KRT6C: variants seen among roughly 807,000 people sequenced by gnomAD.
KRT6C encodes keratin, type II cytoskeletal 6C.
Under a neutral mutation model 49.4 loss-of-function variants are expected in KRT6C, and 46 were observed. The ratio of observed to expected loss-of-function variants is 0.93; its 90% CI spans 0.74 to 1.19. KRT6C has a LOEUF of 1.19. Among genes scored for constraint, KRT6C ranks in the 50% most tolerant of loss-of-function variants. KRT6C has a pLI of 0.00. For missense variants in KRT6C, 552 were observed against 737.5 expected (o/e 0.75, Z 2.91); for synonymous variants, 236 against 297.1 (o/e 0.79, Z 2.12).
intron 5 of KRT6C, among the ~76,000 whole-genome samples, chr12:52,470,890 G>T (rs1235376310): frequency 6.6e-6 from 1 of 152,170 alleles, no homozygotes; most frequent in Non-Finnish European, 1.5e-5. Flanking sequence ...AGCAATCAGG[G>T]TGAAGATAAA....
At chr12:52,469,539 G>C (rs1010486695) in intron 7 of KRT6C, 94 bp from the exon 8 acceptor site, 114 of 1,612,724 alleles carry the variant, frequency 7.1e-5, no homozygotes, top group Admixed American at 1.2e-4. Flanking sequence ...GAGTCCATGG[G>C]AAACTGCTCT....
chr12:52,471,655 C>T lies in KRT6C; in HGVS notation c.816+17G>A, dbSNP rs17099546. On this transcript the variant is annotated intron_variant, in intron 3 of 8. Coordinates refer to ENST00000252250, the MANE Select transcript of KRT6C (RefSeq NM_173086.5). Reference sequence around the variant, plus strand: ...CTCCTTCTAAATGAATTTGAACCCCCGGCTTCATCTGCTCACCTTCTTCAG... The same window carrying T: ...CTCCTTCTAAATGAATTTGAACCCCTGGCTTCATCTGCTCACCTTCTTCAG... The T allele has an allele frequency of 0.035, 55,448 of 1,568,286 alleles. 2,187 individuals are homozygous for T. Among genetic ancestry groups the T allele is most frequent in the African/African-American group, 0.15 (10,850 of 71,182 alleles).
chr12:52,470,053 A>C, intron 6 of KRT6C, 163 bp from the exon 7 acceptor site: 1 of 866,192 alleles, frequency 1.2e-6, no homozygotes, highest in East Asian at 2.6e-5. Flanking sequence ...CTAGTCTGGG[A>C]GTCAAGTGAC....
chr12:52,469,752 AC>A lies in KRT6C; in HGVS notation c.1341del (p.Glu447AspfsTer5). 1 of 1,613,632 alleles carries A rather than the reference AC, an allele frequency of 6.2e-7. No individual in the cohort carries two copies. The highest frequency in any genetic ancestry group is 8.5e-7 in the Non-Finnish European group (1 of 1,179,878). On this transcript the variant is annotated frameshift_variant, in exon 7 of 9. Transcript: ENST00000252250. LOFTEE classifies it high-confidence loss of function. ...AKQDLARLLK[E>X]YQELMNVKLA... is the part of the protein sequence containing the mutation. ...AGCTTGACATTCATCAGCTCCTGGT[AC>A]TCCTTCAGCAGCCGGGCCAGGTCCT...
rs554932033 is a variant in KRT6C, at chr12:52,469,717, A to G, written c.1377T>C (p.Asp459=). The G allele has an allele frequency of 3.7e-5, 60 of 1,614,132 alleles. No individual in the cohort carries two copies. Among genetic ancestry groups the G allele is most frequent in the East Asian group, 3.3e-4 (15 of 44,868 alleles). Residue 459 remains aspartate (D), a synonymous_variant, in exon 7 of 9, where the codon GAT becomes GAC. Coordinates refer to ENST00000252250, the MANE Select transcript of KRT6C (RefSeq NM_173086.5). ...GCTTGCGGTAGGTGGCGATCTCCACATCCAGGGCCAGCTTGACATTCATCA... is the reference window on the plus strand; with the variant it reads ...GCTTGCGGTAGGTGGCGATCTCCACGTCCAGGGCCAGCTTGACATTCATCA... The part of the protein sequence containing the change: ...QELMNVKLAL[D]VEIATYRKLL...
Position 52,473,399 on chromosome 12 carries a change from A to G in KRT6C, c.339T>C (p.Gly113=), listed in dbSNP as rs767722638. The G allele has an allele frequency of 8.2e-6, 11 of 1,343,666 alleles. 2 individuals are homozygous for G. The South Asian group carries it at 1.1e-4, about 13-fold the overall frequency. The allele number at this position is 1,343,666 out of a possible 1,614,324, so 83.2% of individuals were successfully genotyped here. ...AGCCACCAGCAAGGCCGGCTCCACC[A>G]CCCAGACCAAAGCCAATGCCGGCTC... The part of the protein sequence containing the change: ...GGGAGIGFGL[G]GGAGLAGGFG... Residue 113 remains glycine (G), a synonymous_variant, in exon 1 of 9, where the codon GGT becomes GGC. Transcript: ENST00000252250.
At position 52,471,755 on chromosome 12, in the gene KRT6C, C is replaced by T. The variant is rs1254715126; in HGVS notation, c.756-23G>A. 4.3e-6 allele frequency: 7 copies of T among 1,613,702 alleles called. No individual in the cohort carries two copies. The Admixed American group carries it at 5.0e-5, about 12-fold the overall frequency. ...TATCTACAGGAAGAAAGGCATAGGACACATATGAGCCAGTGGGTAGGATGA... is the reference window on the plus strand; with the variant it reads ...TATCTACAGGAAGAAAGGCATAGGATACATATGAGCCAGTGGGTAGGATGA... On this transcript the variant is annotated intron_variant, in intron 2 of 8. Transcript: ENST00000252250.
chr12:52,471,388 C>T, intron 4 of KRT6C, 33 bp downstream of exon 4: 1 of 1,614,070 alleles, frequency 6.2e-7, no homozygotes, highest in Non-Finnish European at 8.5e-7. Context: ...CAGACCCCAT[C>T]AGAGTAAACA....
chr12:52,468,567 A>T lies in KRT6C; in HGVS notation c.*495T>A, dbSNP rs1565807008. 6.0e-6 allele frequency: 1 copy of T among 166,084 alleles called. No homozygotes were observed. The highest frequency in any genetic ancestry group is 1.3e-5 in the Non-Finnish European group (1 of 75,332). The allele number at this position is 166,084 out of a possible 1,614,324, so 10.3% of individuals were successfully genotyped here. ...AATTACAAAGAGCAAAGAGCAGAGA[A>T]ATCATCACAGGGAGAAAGACTGTGT... On this transcript the variant is annotated 3_prime_UTR_variant, in exon 9 of 9. Coordinates refer to ENST00000252250, the MANE Select transcript of KRT6C (RefSeq NM_173086.5).
chr12:52,471,054 C>T (rs1937869444), intron 5 of KRT6C, 78 bp downstream of exon 5: 1 of 1,612,244 alleles, frequency 6.2e-7, no homozygotes, highest in Non-Finnish European at 8.5e-7. Flanking sequence ...CAGGGGATGT[C>T]CCCAGTGAAG....
Position 52,468,895 on chromosome 12 carries a change from G to T in KRT6C, c.*167C>A. The T allele has an allele frequency of 1.3e-6, 1 of 765,622 alleles. No individual in the cohort carries two copies. 47.4% of individuals were successfully genotyped at this position (765,622 alleles called of 1,614,324 possible). ...ATGGTGAGCAATGGGTGCTCAGATG[G>T]GGCAGGTATAGACAGAGAGAAGTGA... On this transcript the variant is annotated 3_prime_UTR_variant, in exon 9 of 9. Transcript: ENST00000252250.
Position 52,471,248 on chromosome 12 carries a change from A to G in KRT6C, c.961T>C (p.Ser321Pro). The G allele has an allele frequency of 6.2e-7, 1 of 1,614,178 alleles. No individual in the cohort carries two copies. The highest frequency in any genetic ancestry group is 8.5e-7 in the Non-Finnish European group (1 of 1,180,044). ...TCCAGGTTGCGGTTGTTGTCCATGG[A>G]TAGCACCACGGATGTGTCTGAGATG... ...THISDTSVVL[S>P]MDNNRNLDLD... The change falls in exon 5 of 9, where the codon TCC becomes CCC. Residue 321 changes from serine to proline, a missense_variant. Transcript: ENST00000252250.
rs184727749 is a variant in KRT6C at position 52,471,892 on chromosome 12, C to T, written c.756-160G>A. Among the ~76,000 whole-genome samples the T allele has an allele frequency of 6.0e-3, 905 of 150,350 alleles. 7 individuals carry two copies. The highest frequency in any genetic ancestry group is 0.021 in the African/African-American group (863 of 41,208). ...AGTTTTGCTACTACTAAATTTGCCA[C>T]TTCTTTAATCCCCCCATCCTCCCAT... On this transcript the variant is annotated intron_variant, in intron 2 of 8. Coordinates refer to ENST00000252250, the MANE Select transcript of KRT6C (RefSeq NM_173086.5).
Position 52,471,401 on chromosome 12 carries a change from A to C in KRT6C, c.912+20T>G, listed in dbSNP as rs1937879905. 8.1e-6 allele frequency: 13 copies of C among 1,614,068 alleles called. No homozygotes were observed. Among genetic ancestry groups the C allele is most frequent in the Non-Finnish European group, 1.0e-5 (12 of 1,179,962 alleles). Reference sequence around the variant, plus strand: ...TGCAGACCCCATCAGAGTAAACAGAAGGATGGTGGAGATGCTTACTGCATC... The same window carrying C: ...TGCAGACCCCATCAGAGTAAACAGACGGATGGTGGAGATGCTTACTGCATC... On this transcript the variant is annotated intron_variant, in intron 4 of 8. Transcript: ENST00000252250.
chr12:52,472,431 C>G, intron 1 of KRT6C, 151 bp from the exon 2 acceptor site: 1 of 755,824 alleles, frequency 1.3e-6, no homozygotes, highest in East Asian at 4.0e-5. Flanking sequence ...GCTCCCCCAA[C>G]CCCTTCTCCT....
rs1937827330 is a variant in KRT6C at position 52,469,230 on chromosome 12, C to T, written c.1527G>A (p.Leu509=). 6.2e-7 allele frequency: 1 copy of T among 1,613,996 alleles called. No individual in the cohort carries two copies. Among genetic ancestry groups the T allele is most frequent in the Non-Finnish European group, 8.5e-7 (1 of 1,179,856 alleles). Reference sequence around the variant, plus strand: ...CATAGGAGTAGCTGCTTCCTCCACCCAGGCCTAAGCCACTGCCGACACCGC... The same window carrying T: ...CATAGGAGTAGCTGCTTCCTCCACCTAGGCCTAAGCCACTGCCGACACCGC... ...GASGVGSGLG[L]GGGSSYSYGS... is the part of the protein sequence containing the mutation. The change falls in exon 9 of 9, where the codon CTG becomes CTA. Residue 509 remains leucine (L), a synonymous_variant. Coordinates refer to ENST00000252250, the MANE Select transcript of KRT6C (RefSeq NM_173086.5).
chr12:52,472,694 T>G lies in KRT6C; in HGVS notation c.541-414A>C, dbSNP rs990787963. Among the ~76,000 whole-genome samples the G allele has an allele frequency of 2.9e-5, 4 of 135,950 alleles. 1 individual carries two copies. Among genetic ancestry groups the G allele is most frequent in the Non-Finnish European group, 5.1e-5 (3 of 58,540 alleles). 89.2% of individuals were successfully genotyped at this position (135,950 alleles called of 152,430 possible). On this transcript the variant is annotated intron_variant, in intron 1 of 8. Transcript: ENST00000252250. ...TCAGTCTACTTTCCCATTTAGTGTC[T>G]CCTCTCAAATATTCTGATGTTATGG... is the stretch of plus-strand genomic sequence containing the variant.
rs1304008371 is a variant in KRT6C at position 52,473,583 on chromosome 12, C to T, written c.155G>A (p.Gly52Glu). The change falls in exon 1 of 9, where the codon GGA becomes GAA. Residue 52 changes from glycine to glutamate, a missense_variant. Gly to Glu is a moderately conservative substitution (Grantham distance 98). Transcript: ENST00000252250. ...ACTGCGGCTGCCAAAGCCAGCTCCTCCACATGCACCACCCAGGCCACCACT... is the reference window on the plus strand; with the variant it reads ...ACTGCGGCTGCCAAAGCCAGCTCCTTCACATGCACCACCCAGGCCACCACT... ...RGSGGLGGAC[G>E]GAGFGSRSLY... 6.2e-7 allele frequency: 1 copy of T among 1,603,998 alleles called. No individual in the cohort carries two copies. Among genetic ancestry groups the T allele is most frequent in the Non-Finnish European group, 8.5e-7 (1 of 1,176,398 alleles).
chr12:52,470,437 T>C lies in KRT6C; in HGVS notation c.1203+68A>G, dbSNP rs1229655206. The C allele has an allele frequency of 4.3e-6, 7 of 1,613,056 alleles. No homozygotes were observed. In the East Asian group the frequency reaches 6.7e-5, roughly 15 times the overall value. On this transcript the variant is annotated intron_variant, in intron 6 of 8. Coordinates refer to ENST00000252250, the MANE Select transcript of KRT6C (RefSeq NM_173086.5). Reference sequence around the variant, plus strand: ...ACGTTTCAGGAATTATATCAAATAATGGCTAATGACTGCCTGATGGGTCTA... The same window carrying C: ...ACGTTTCAGGAATTATATCAAATAACGGCTAATGACTGCCTGATGGGTCTA...
Sources: gnomAD v4.1 joint callset for allele counts (sites outside exome capture counted in the v4.1 genomes callset) on GRCh38, gnomAD v4.1.1 for gene constraint, MANE v1.5 for transcripts, NCBI Gene and HGNC (gene_info 2026-07-23, HGNC 2026-07-21) for gene names.